ASTN2: variants seen among roughly 807,000 people sequenced by gnomAD.
The protein encoded by ASTN2 is astrotactin-2.
A neutral mutation model predicts 139.8 loss-of-function variants in ASTN2; 54 were observed. That is an observed-to-expected ratio of 0.39 (90% CI 0.31 to 0.48). The LOEUF (loss-of-function observed/expected upper bound fraction) is 0.48, where lower values mean the gene tolerates loss of function less well. Among genes scored for constraint, ASTN2 ranks in the 20% least tolerant of loss-of-function variants. The probability of loss-of-function intolerance (pLI) is 0.95; values close to 1 mark genes in which losing one functional copy is unlikely to be tolerated. For synonymous variants in ASTN2, 756 were observed against 719.5 expected, an observed-to-expected ratio of 1.05 and a Z score of -0.81; for missense variants, 1,565 against 1,725.1, an observed-to-expected ratio of 0.91 and a Z score of 1.64.
chr9:116,848,756 C>A (rs556210640), intron 11 of ASTN2, among the ~76,000 whole-genome samples: 3 of 152,324 alleles, frequency 2.0e-5, no homozygotes, highest in African/African-American at 7.2e-5. Context: ...GTGGCAATTT[C>A]TCTCTGGCAG....
At chr9:116,991,529 C>T (rs1030595160) in intron 7 of ASTN2, among the ~76,000 whole-genome samples, 1 of 151,042 alleles carries the variant, frequency 6.6e-6, no homozygotes, top group Non-Finnish European at 1.5e-5. Flanking sequence ...GCAGATACTT[C>T]GTACCGATAA....
At chr9:116,623,460 G>A (rs1413287334) in intron 17 of ASTN2, among the ~76,000 whole-genome samples, 3 of 152,182 alleles carry the variant, frequency 2.0e-5, no homozygotes, top group East Asian at 3.9e-4. Context: ...TAAGGCTGCA[G>A]AAGCCAGCAC....
At chr9:116,921,696 A>G (rs911748491) in intron 10 of ASTN2, among the ~76,000 whole-genome samples, 3 of 152,172 alleles carry the variant, frequency 2.0e-5, no homozygotes, top group Admixed American at 6.5e-5. Context: ...GAAACTTACA[A>G]TCGTGTTGGA....
At chr9:116,447,435 G>A (rs1048923906) in intron 20 of ASTN2, among the ~76,000 whole-genome samples, 5 of 152,052 alleles carry the variant, frequency 3.3e-5, no homozygotes, top group African/African-American at 7.2e-5. Flanking sequence ...GTGCACCAAC[G>A]CTCAGCACAC....
chr9:117,100,640 T>C lies in ASTN2; in HGVS notation c.1169-4489A>G, dbSNP rs569064079. Among the ~76,000 whole-genome samples the C allele has an allele frequency of 1.8e-4, 28 of 152,350 alleles. No individual in the cohort carries two copies. In the East Asian group the frequency reaches 5.4e-3, roughly 29 times the overall value. On this transcript the variant is annotated intron_variant, in intron 4 of 22. Transcript: ENST00000313400. ...TTGGAGAACACAGTTCTAGACATATTTGTACAACAAATATTACTGAGCAAA... is the reference window on the plus strand; with the variant it reads ...TTGGAGAACACAGTTCTAGACATATCTGTACAACAAATATTACTGAGCAAA...
At chr9:117,072,561 T>C (rs750800923) in intron 5 of ASTN2, among the ~76,000 whole-genome samples, 21 of 152,128 alleles carry the variant, frequency 1.4e-4, no homozygotes, top group Non-Finnish European at 2.6e-4. Context: ...AGAAAGACAA[T>C]GGAATCGTCA....
intron 5 of ASTN2, among the ~76,000 whole-genome samples, chr9:117,046,798 C>T (rs1838757566): frequency 5.9e-5 from 9 of 152,260 alleles, no homozygotes; most frequent in Admixed American, 5.2e-4. Flanking sequence ...TATAGCATGC[C>T]TGAATATAGT....
At chr9:117,301,371 A>G (rs1318221935) in intron 1 of ASTN2, among the ~76,000 whole-genome samples, 1 of 152,228 alleles carries the variant, frequency 6.6e-6, no homozygotes, top group Non-Finnish European at 1.5e-5. Flanking sequence ...GAATGGAGAC[A>G]GGAACTAACC....
At chr9:116,455,624 T>A (rs1848309924) in intron 20 of ASTN2, among the ~76,000 whole-genome samples, 1 of 151,982 alleles carries the variant, frequency 6.6e-6, no homozygotes, top group Non-Finnish European at 1.5e-5. Flanking sequence ...AACCTCTTCT[T>A]AGATTGAAGA....
At chr9:116,879,006 G>C (rs4837968) in intron 10 of ASTN2, among the ~76,000 whole-genome samples, 52,355 of 151,388 alleles carry the variant, frequency 0.35, 9,764 homozygotes, top group East Asian at 0.53. Context: ...AGAGACTCTG[G>C]TGATCTGGAT....
chr9:116,483,913 G>A (rs912769823), intron 20 of ASTN2, among the ~76,000 whole-genome samples: 3 of 152,198 alleles, frequency 2.0e-5, no homozygotes, highest in Admixed American at 1.3e-4. Flanking sequence ...TTCCCCAGTG[G>A]AGAGACTAGT....
At chr9:116,919,084 G>A (rs147314233) in intron 10 of ASTN2, among the ~76,000 whole-genome samples, 85 of 152,202 alleles carry the variant, frequency 5.6e-4, no homozygotes, top group African/African-American at 2.0e-3. Context: ...GCTTCCCACA[G>A]AGGATGTTTT....
intron 19 of ASTN2, among the ~76,000 whole-genome samples, chr9:116,595,180 T>A (rs141970359): frequency 6.6e-6 from 1 of 152,250 alleles, no homozygotes; most frequent in Admixed American, 6.5e-5. Flanking sequence ...TTGATGATTA[T>A]ATAGGATAAC....
At chr9:117,202,175 T>C (rs1392331790) in intron 3 of ASTN2, among the ~76,000 whole-genome samples, 1 of 152,186 alleles carries the variant, frequency 6.6e-6, no homozygotes, top group African/African-American at 2.4e-5. Flanking sequence ...TGCCTTTTTT[T>C]GTTTTCCATT....
intron 1 of ASTN2, among the ~76,000 whole-genome samples, chr9:117,317,615 C>T (rs550262797): frequency 6.6e-4 from 100 of 152,288 alleles, no homozygotes; most frequent in Non-Finnish European, 1.2e-3. Flanking sequence ...TCCCCAATCC[C>T]TATGATATCA....
At chr9:117,107,396 C>A (rs1004973588) in intron 4 of ASTN2, among the ~76,000 whole-genome samples, 8 of 152,100 alleles carry the variant, frequency 5.3e-5, no homozygotes, top group Middle Eastern at 3.2e-3. Context: ...TGTCAAGACA[C>A]CCTCCCGAAA....
chr9:117,144,579 G>A (rs1830147460), intron 3 of ASTN2, among the ~76,000 whole-genome samples: 1 of 150,672 alleles, frequency 6.6e-6, no homozygotes, highest in Non-Finnish European at 1.5e-5. Flanking sequence ...TGGGTCTCCT[G>A]GCTTGCACAG....
At chr9:116,595,209 A>G (rs1854515932) in intron 19 of ASTN2, among the ~76,000 whole-genome samples, 1 of 152,236 alleles carries the variant, frequency 6.6e-6, no homozygotes, top group African/African-American at 2.4e-5. Context: ...TAGGTGTTCA[A>G]TAAATGCTGA....
intron 14 of ASTN2, among the ~76,000 whole-genome samples, chr9:116,729,857 T>G (rs879259507): frequency 4.6e-5 from 7 of 152,242 alleles, no homozygotes; most frequent in Non-Finnish European, 7.3e-5. Flanking sequence ...ATGAAAGTAG[T>G]GTGCAAACTT....
Sources: allele counts gnomAD v4.1 joint callset (sites outside exome capture counted in the v4.1 genomes callset), GRCh38; gene constraint gnomAD v4.1.1; transcripts MANE v1.5; gene names NCBI Gene and HGNC (gene_info 2026-07-23, HGNC 2026-07-21).